PRKG1: variants seen among roughly 807,000 people sequenced by gnomAD.
PRKG1 encodes cGMP-dependent protein kinase 1.
PRKG1 carries 35 observed loss-of-function variants against 88.1 expected under a neutral mutation model. The ratio of observed to expected loss-of-function variants is 0.40; its 90% CI spans 0.30 to 0.53. The LOEUF is 0.53. PRKG1 is among the 20% of genes least tolerant of loss of function. The pLI is 0.59. For synonymous variants in PRKG1, 303 were observed against 292.5 expected (o/e 1.04, Z -0.37); for missense variants, 540 against 839.8 (o/e 0.64, Z 4.41).
chr10:51,358,079 T>C (rs1799270375), intron 2 of PRKG1, among the ~76,000 whole-genome samples: 1 of 151,926 alleles, frequency 6.6e-6, no homozygotes, highest in Non-Finnish European at 1.5e-5. Context: ...ATGGTTTCTT[T>C]AGGTCGGGAA....
intron 4 of PRKG1, among the ~76,000 whole-genome samples, chr10:51,856,862 G>T (rs1277355199): frequency 6.6e-6 from 1 of 151,950 alleles, no homozygotes; most frequent in Non-Finnish European, 1.5e-5. Flanking sequence ...TGCTCGGGAG[G>T]CTGAGGCAGG....
intron 1 of PRKG1, among the ~76,000 whole-genome samples, chr10:51,116,806 TG>T (rs1375259223): frequency 6.6e-6 from 1 of 152,100 alleles, no homozygotes; most frequent in Admixed American, 6.6e-5. Flanking sequence ...TGAGCAATAT[TG>T]AACAGCGGGG....
At chr10:50,992,453 C>G (rs1842792584) in intron 1 of PRKG1, among the ~76,000 whole-genome samples, 1 of 152,158 alleles carries the variant, frequency 6.6e-6, no homozygotes, top group Non-Finnish European at 1.5e-5. Flanking sequence ...TGAGGCTGCT[C>G]GTCAGCCCTG....
chr10:52,137,586 A>C (rs1051830178), intron 8 of PRKG1, among the ~76,000 whole-genome samples: 4 of 152,118 alleles, frequency 2.6e-5, no homozygotes, highest in African/African-American at 9.7e-5. Flanking sequence ...AAATGGCATA[A>C]TATTTGCATA....
At chr10:51,883,296 G>A (rs1841482282) in intron 4 of PRKG1, among the ~76,000 whole-genome samples, 1 of 152,110 alleles carries the variant, frequency 6.6e-6, no homozygotes, top group Admixed American at 6.5e-5. Context: ...AGATTGTGGG[G>A]CTCTCAGTCT....
Position 51,499,196 on chromosome 10 carries a change from A to G in PRKG1, c.592+31360A>G, listed in dbSNP as rs944548468. Among the ~76,000 whole-genome samples, 8 of 152,330 alleles carry G rather than the reference A, an allele frequency of 5.3e-5. No homozygotes were observed. In the East Asian group the frequency reaches 1.5e-3, roughly 29 times the overall value. ...TGGGACAAGAGCTCTGAGTACATGC[A>G]GAAGGGGTCAGTGCTGTGGTCAAAG... On this transcript the variant is annotated intron_variant, in intron 3 of 17. Transcript: ENST00000373980.
chr10:51,798,667 A>G (rs1485352167), intron 3 of PRKG1, among the ~76,000 whole-genome samples: 1 of 152,102 alleles, frequency 6.6e-6, no homozygotes, highest in Non-Finnish European at 1.5e-5. Flanking sequence ...TTTTAAGATA[A>G]TTATGCTTTT....
At chr10:51,423,093 A>G (rs1223105067) in intron 2 of PRKG1, among the ~76,000 whole-genome samples, 2 of 152,116 alleles carry the variant, frequency 1.3e-5, no homozygotes, top group African/African-American at 2.4e-5. Context: ...AAGAAGAAAG[A>G]ATAACCATTC....
chr10:51,899,671 G>GTATATATATATATATATATATATATATA (rs57320165), intron 4 of PRKG1, among the ~76,000 whole-genome samples: 29 of 120,376 alleles, frequency 2.4e-4, no homozygotes, highest in South Asian at 5.3e-4. Flanking sequence ...AAAGAAAAAT[G>GTATATATATATATATATATATATATATA]TATATATATA....
At position 51,970,035 on chromosome 10, in the gene PRKG1, CACACACACACACA is replaced by C. The variant is rs1564733397; in HGVS notation, c.762+62466_762+62478del. Among the ~76,000 whole-genome samples the C allele has an allele frequency of 2.6e-4, 34 of 128,604 alleles. 1 individual carries two copies. The highest frequency in any genetic ancestry group is 1.1e-3 in the African/African-American group (34 of 32,062). The allele number at this position is 128,604 out of a possible 152,430, so 84.4% of individuals were successfully genotyped here. On this transcript the variant is annotated intron_variant, in intron 5 of 17. Transcript: ENST00000373980. ...ACACACACACACACACACACACACA[CACACACACACACA>C]CACCCATATTTATTTATATATTTTT...
In PRKG1 at chr10:51,174,434, T is replaced by A. The variant is rs1466262729; in HGVS notation, c.478+21104T>A. Among the ~76,000 whole-genome samples the A allele has an allele frequency of 2.0e-5, 3 of 152,042 alleles. No individual in the cohort carries two copies. The East Asian group carries it at 5.8e-4, about 29-fold the overall frequency. ...TCTTCTCATCTCCTTACAATGTCTATGTAATCAAATTTTTCATTATATCAG... is the reference window on the plus strand; with the variant it reads ...TCTTCTCATCTCCTTACAATGTCTAAGTAATCAAATTTTTCATTATATCAG... On this transcript the variant is annotated intron_variant, in intron 2 of 17. Coordinates refer to ENST00000373980, the MANE Select transcript of PRKG1 (RefSeq NM_006258.4).
intron 2 of PRKG1, among the ~76,000 whole-genome samples, chr10:51,362,511 G>A (rs12764043): frequency 0.065 from 9,913 of 151,552 alleles, 462 homozygotes; most frequent in Middle Eastern, 0.13. Flanking sequence ...TTATAAAAAG[G>A]TCATTGATTT....
chr10:51,392,995 G>A (rs569863230), intron 2 of PRKG1, among the ~76,000 whole-genome samples: 90 of 150,966 alleles, frequency 6.0e-4, no homozygotes, highest in African/African-American at 2.0e-3. Context: ...GGTAGCTGCC[G>A]GGCAGAGACA....
intron 3 of PRKG1, among the ~76,000 whole-genome samples, chr10:51,728,474 T>TG (rs371340917): frequency 0.13 from 18,171 of 142,078 alleles, 1,158 homozygotes; most frequent in African/African-American, 0.17. Context: ...TTTTTTTTTT[T>TG]TTTTTTAATC....
At chr10:51,883,814 T>C (rs1841494056) in intron 4 of PRKG1, among the ~76,000 whole-genome samples, 1 of 152,192 alleles carries the variant, frequency 6.6e-6, no homozygotes, top group African/African-American at 2.4e-5. Flanking sequence ...AGTTTTTGTG[T>C]GTGGCTGCCT....
chr10:51,489,275 C>T (rs193216883), intron 3 of PRKG1, among the ~76,000 whole-genome samples: 1 of 152,230 alleles, frequency 6.6e-6, no homozygotes, highest in Admixed American at 6.5e-5. Context: ...AATCTGTAGG[C>T]AGACGGGACA....
chr10:52,015,141 A>T (rs11000466), intron 5 of PRKG1, among the ~76,000 whole-genome samples: 24,196 of 152,208 alleles, frequency 0.16, 2,472 homozygotes, highest in East Asian at 0.32. Context: ...TCCCTTCTGC[A>T]TTGCCCTAGT....
At chr10:51,637,928 A>C (rs2132292165) in intron 3 of PRKG1, among the ~76,000 whole-genome samples, 1 of 152,294 alleles carries the variant, frequency 6.6e-6, no homozygotes, top group African/African-American at 2.4e-5. Context: ...AACTTAAAAT[A>C]GAAGTTGAAG....
chr10:52,164,506 T>A (rs920855536), intron 9 of PRKG1, among the ~76,000 whole-genome samples: 1 of 152,132 alleles, frequency 6.6e-6, no homozygotes, highest in Non-Finnish European at 1.5e-5. Context: ...AAGTCTCTAA[T>A]CTTATGTAAG....
Sources: allele counts gnomAD v4.1 joint callset (sites outside exome capture counted in the v4.1 genomes callset), GRCh38; gene constraint gnomAD v4.1.1; transcripts MANE v1.5; gene names NCBI Gene and HGNC (gene_info 2026-07-23, HGNC 2026-07-21).